CHRM3: variants seen among roughly 807,000 people sequenced by gnomAD.
The protein encoded by CHRM3 is cholinergic receptor muscarinic 3.
Under a neutral mutation model 41.8 loss-of-function variants are expected in CHRM3, and 11 were observed. That is an observed-to-expected ratio of 0.26 (90% CI 0.17 to 0.44). CHRM3 has a LOEUF of 0.44. Ranked by LOEUF, CHRM3 falls within the 20% of genes least tolerant of loss-of-function variation. The pLI is 1.00. For missense variants in CHRM3, 571 were observed against 745.4 expected, an observed-to-expected ratio of 0.77 and a Z score of 2.72; for synonymous variants, 297 against 301.4, an observed-to-expected ratio of 0.99 and a Z score of 0.15.
In CHRM3 at chr1:239,910,046, CCTTCCCAGCAGGT is replaced by C; in HGVS notation, c.*825_*837del. 6.0e-6 allele frequency: 1 copy of C among 167,104 alleles called. No homozygotes were observed. The allele number at this position is 167,104 out of a possible 1,614,324, so 10.4% of individuals were successfully genotyped here. The stretch of plus-strand genomic sequence containing the variant: ...CTGTTTTCCACAGAGAGCAGCCAGG[CCTTCCCAGCAGGT>C]CTGTGCAGAGCGGACAGGCTCGTGA... On this transcript the variant is annotated 3_prime_UTR_variant, in exon 7 of 7. Coordinates refer to ENST00000676153, the MANE Select transcript of CHRM3 (RefSeq NM_001375978.1).
At chr1:239,728,848 A>G (rs1167732333) in intron 5 of CHRM3, among the ~76,000 whole-genome samples, 1 of 151,926 alleles carries the variant, frequency 6.6e-6, no homozygotes, top group African/African-American at 2.4e-5. Flanking sequence ...GATTAAGCCA[A>G]TGTGGATTCA....
At chr1:239,770,692 C>A (rs1667588838) in intron 5 of CHRM3, among the ~76,000 whole-genome samples, 1 of 152,082 alleles carries the variant, frequency 6.6e-6, no homozygotes, top group Admixed American at 6.6e-5. Context: ...GCAGAGGGAA[C>A]TATTAGACTT....
chr1:239,784,462 C>G (rs949748153), intron 5 of CHRM3, among the ~76,000 whole-genome samples: 5 of 152,122 alleles, frequency 3.3e-5, no homozygotes, highest in African/African-American at 1.2e-4. Context: ...TTACAGCTAA[C>G]TCAGGTCCAC....
intron 2 of CHRM3, among the ~76,000 whole-genome samples, chr1:239,498,406 C>CA (rs1365339488): frequency 6.6e-6 from 1 of 151,630 alleles, no homozygotes; most frequent in African/African-American, 2.4e-5. Context: ...AAATAACTTG[C>CA]AAAAAATGGT....
intron 6 of CHRM3, among the ~76,000 whole-genome samples, chr1:239,899,217 A>AT (rs1339583198): frequency 6.7e-6 from 1 of 150,282 alleles, no homozygotes; most frequent in Non-Finnish European, 1.5e-5. Context: ...TTTGCTGTAC[A>AT]TTTTTTTCTT....
chr1:239,768,279 T>C (rs1354477437), intron 5 of CHRM3, among the ~76,000 whole-genome samples: 1 of 152,170 alleles, frequency 6.6e-6, no homozygotes, highest in Non-Finnish European at 1.5e-5. Flanking sequence ...TCAGAAGCAT[T>C]GAACTCCATC....
chr1:239,578,938 C>G (rs866223804), intron 3 of CHRM3, among the ~76,000 whole-genome samples: 3 of 152,140 alleles, frequency 2.0e-5, no homozygotes, highest in African/African-American at 7.2e-5. Flanking sequence ...TTGTAGCAAC[C>G]CAAGACTTCC....
intron 3 of CHRM3, among the ~76,000 whole-genome samples, chr1:239,588,581 T>C (rs2148622943): frequency 6.6e-6 from 1 of 152,340 alleles, no homozygotes; most frequent in South Asian, 2.1e-4. Context: ...TGATTTTGAA[T>C]ATTAAAAGAA....
At chr1:239,709,305 G>C (rs912677633) in intron 5 of CHRM3, among the ~76,000 whole-genome samples, 2 of 152,142 alleles carry the variant, frequency 1.3e-5, no homozygotes, top group Non-Finnish European at 2.9e-5. Context: ...CTGCCTGCTG[G>C]TGAGCAGAGG....
At chr1:239,640,374 G>A (rs900468089) in intron 4 of CHRM3, among the ~76,000 whole-genome samples, 14 of 152,180 alleles carry the variant, frequency 9.2e-5, no homozygotes, top group Admixed American at 7.9e-4. Flanking sequence ...AGTAGAATTC[G>A]GCTGTGAATC....
At chr1:239,855,682 A>G (rs886383075) in intron 6 of CHRM3, among the ~76,000 whole-genome samples, 2 of 152,180 alleles carry the variant, frequency 1.3e-5, no homozygotes, top group Non-Finnish European at 2.9e-5. Flanking sequence ...CTCTTTTTAC[A>G]TTATGACTAG....
intron 3 of CHRM3, among the ~76,000 whole-genome samples, chr1:239,610,439 T>C (rs2148744591): frequency 6.6e-6 from 1 of 152,288 alleles, no homozygotes; most frequent in East Asian, 1.9e-4. Context: ...AACAATACAT[T>C]ACTGTCCCAT....
intron 5 of CHRM3, among the ~76,000 whole-genome samples, chr1:239,760,216 T>C (rs769560881): frequency 1.7e-4 from 26 of 152,236 alleles, no homozygotes; most frequent in East Asian, 5.8e-4. Flanking sequence ...TGAGCCACCG[T>C]GCCCGGCCAA....
In CHRM3 at chr1:239,856,928, G is replaced by A. The variant is rs115331142; in HGVS notation, c.-20+29550G>A. 4.9e-3 allele frequency among the ~76,000 whole-genome samples: 750 copies of A among 152,284 alleles called. 7 individuals are homozygous for A. The highest frequency in any genetic ancestry group is 0.017 in the African/African-American group (702 of 41,554). On this transcript the variant is annotated intron_variant, in intron 6 of 6. Coordinates refer to ENST00000676153, the MANE Select transcript of CHRM3 (RefSeq NM_001375978.1). ...GTAAAACTCATCTCAACAGAAAATT[G>A]TAAGCAAGCCCTCAAATGAACAATA...
chr1:239,566,316 G>A (rs1003394880), intron 3 of CHRM3, among the ~76,000 whole-genome samples: 12 of 152,222 alleles, frequency 7.9e-5, no homozygotes, highest in East Asian at 3.9e-4. Flanking sequence ...CTGTTATTAC[G>A]TTAACCAGTT....
intron 5 of CHRM3, among the ~76,000 whole-genome samples, chr1:239,702,453 A>G (rs181370910): frequency 1.3e-3 from 191 of 152,274 alleles, no homozygotes; most frequent in South Asian, 3.7e-3. Context: ...AACTTTCACA[A>G]ATGTTCATTT....
intron 3 of CHRM3, among the ~76,000 whole-genome samples, chr1:239,588,381 G>A (rs139502284): frequency 2.6e-5 from 4 of 152,268 alleles, no homozygotes; most frequent in East Asian, 1.9e-4. Flanking sequence ...GCCCCAGGAC[G>A]TAGCACAGTG....
chr1:239,725,204 G>A (rs964880252), intron 5 of CHRM3, among the ~76,000 whole-genome samples: 5 of 151,764 alleles, frequency 3.3e-5, no homozygotes, highest in South Asian at 2.1e-4. Context: ...GTAGTATAAC[G>A]CTAGCATACT....
rs1680040807 is a variant in CHRM3, at chr1:239,907,258, T to G, written c.-19-175T>G. On this transcript the variant is annotated intron_variant, in intron 6 of 6. Coordinates refer to ENST00000676153, the MANE Select transcript of CHRM3 (RefSeq NM_001375978.1). This position sits in a 1 kb window ranked among gnomAD's most constrained non-coding sequence, Gnocchi z 5.4. ...TAATACTATCTCAAACAAATCGATG[T>G]CTGTCTGCCCTAGACTCCACTTATT... is the stretch of plus-strand genomic sequence containing the variant. Among the ~76,000 whole-genome samples, 2 of 152,224 alleles carry G rather than the reference T, an allele frequency of 1.3e-5. No homozygotes were observed. The highest frequency in any genetic ancestry group is 4.8e-5 in the African/African-American group (2 of 41,466).
Sources: allele counts gnomAD v4.1 joint callset (sites outside exome capture counted in the v4.1 genomes callset), GRCh38; gene constraint gnomAD v4.1.1; non-coding constraint Gnocchi (gnomAD v3.1); transcripts MANE v1.5; gene names NCBI Gene and HGNC (gene_info 2026-07-23, HGNC 2026-07-21).